CEP128: variants seen among roughly 807,000 people sequenced by gnomAD.
CEP128 encodes the protein centrosomal protein 128kDa.
CEP128 carries 132 observed loss-of-function variants against 156.7 expected under a neutral mutation model. The ratio of observed to expected loss-of-function variants is 0.84; its 90% confidence interval spans 0.73 to 0.97. CEP128 has a LOEUF of 0.97. Ranked by LOEUF, CEP128 falls within the 50% of genes least tolerant of loss-of-function variation. The pLI is 0.00. For missense variants in CEP128, 1,252 were observed against 1,281.9 expected (o/e 0.98, Z 0.36); for synonymous variants, 469 against 448.9 (o/e 1.04, Z -0.57).
At chr14:80,897,163 G>C (rs1390712749) in intron 7 of CEP128, among the ~76,000 whole-genome samples, 1 of 152,150 alleles carries the variant, frequency 6.6e-6, no homozygotes, top group Non-Finnish European at 1.5e-5. Flanking sequence ...CAAACTGCAA[G>C]AACCTGACAC....
chr14:80,874,188 G>C (rs1888165302), intron 8 of CEP128, among the ~76,000 whole-genome samples: 1 of 152,172 alleles, frequency 6.6e-6, no homozygotes, highest in Non-Finnish European at 1.5e-5. Context: ...CCTGGGTGCA[G>C]TGGGGTGGCT....
At chr14:80,766,976 A>G (rs992240500) in intron 16 of CEP128, among the ~76,000 whole-genome samples, 1 of 152,190 alleles carries the variant, frequency 6.6e-6, no homozygotes, top group Non-Finnish European at 1.5e-5. Context: ...GAATATTTTC[A>G]TAACTCAAGA....
intron 9 of CEP128, among the ~76,000 whole-genome samples, chr14:80,844,934 G>T (rs1351292695): frequency 6.6e-6 from 1 of 151,878 alleles, no homozygotes; most frequent in African/African-American, 2.4e-5. Context: ...ACTGTTTAGG[G>T]CATCCAGTGC....
chr14:80,587,533 C>T (rs994229029), intron 19 of CEP128, among the ~76,000 whole-genome samples: 2 of 152,102 alleles, frequency 1.3e-5, no homozygotes, highest in African/African-American at 4.8e-5. Context: ...GATTTAAAAC[C>T]ACTTGCCACA....
At chr14:80,606,362 G>A (rs1043383399) in intron 19 of CEP128, among the ~76,000 whole-genome samples, 1 of 152,058 alleles carries the variant, frequency 6.6e-6, no homozygotes, top group Non-Finnish European at 1.5e-5. Flanking sequence ...TCTGGAAAAT[G>A]CAAAAAATAT....
intron 19 of CEP128, among the ~76,000 whole-genome samples, chr14:80,645,839 G>C (rs1894608912): frequency 1.3e-5 from 2 of 152,136 alleles, no homozygotes; most frequent in Admixed American, 1.3e-4. Context: ...CAGTAGGTGA[G>C]TGGATAAATA....
At chr14:80,588,946 G>A (rs556420643) in intron 19 of CEP128, among the ~76,000 whole-genome samples, 53 of 152,212 alleles carry the variant, frequency 3.5e-4, no homozygotes, top group Non-Finnish European at 5.6e-4. Context: ...CTCACTTCAT[G>A]AAGTAGCCAT....
chr14:80,604,096 C>A (rs920117252), intron 19 of CEP128, among the ~76,000 whole-genome samples: 1 of 152,158 alleles, frequency 6.6e-6, no homozygotes, highest in African/African-American at 2.4e-5. Flanking sequence ...TCCTGAAATT[C>A]TCCCCCAAAT....
intron 21 of CEP128, among the ~76,000 whole-genome samples, chr14:80,539,715 G>A (rs1312684005): frequency 2.6e-5 from 4 of 152,002 alleles, no homozygotes; most frequent in African/African-American, 9.7e-5. Context: ...AGGCAAAACA[G>A]CCATATTTTT....
intron 14 of CEP128, among the ~76,000 whole-genome samples, chr14:80,790,659 C>G (rs1196425210): frequency 6.6e-6 from 1 of 151,640 alleles, no homozygotes; most frequent in African/African-American, 2.4e-5. Context: ...TGATATATAT[C>G]TGATAACCTT....
intron 19 of CEP128, among the ~76,000 whole-genome samples, chr14:80,652,049 A>G (rs1894928664): frequency 6.6e-6 from 1 of 151,976 alleles, no homozygotes; most frequent in South Asian, 2.1e-4. Flanking sequence ...TGGGAGCCTG[A>G]CCATCGGATC....
intron 19 of CEP128, among the ~76,000 whole-genome samples, chr14:80,655,918 C>T (rs1355823414): frequency 6.6e-6 from 1 of 151,782 alleles, no homozygotes; most frequent in Non-Finnish European, 1.5e-5. Context: ...TTTTGTTTTG[C>T]CTCATTTAGG....
At chr14:80,858,209 T>C (rs1364535151) in intron 9 of CEP128, among the ~76,000 whole-genome samples, 1 of 145,468 alleles carries the variant, frequency 6.9e-6, no homozygotes, top group African/African-American at 2.6e-5. Flanking sequence ...TATAGATCAA[T>C]GGAACAGAAC....
At position 80,522,032 on chromosome 14, in the gene CEP128, T is replaced by C. The variant is rs954510969; in HGVS notation, c.3072+4837A>G. On this transcript the variant is annotated intron_variant, in intron 23 of 24. Transcript: ENST00000555265. ...GGAGTAGTTATTATAAATGAGATAATTGGAGTATTGTAGAGTTAAAGCTCT... is the reference window on the plus strand; with the variant it reads ...GGAGTAGTTATTATAAATGAGATAACTGGAGTATTGTAGAGTTAAAGCTCT... Among the ~76,000 whole-genome samples, 12 of 152,350 alleles carry C rather than the reference T, an allele frequency of 7.9e-5. No individual in the cohort carries two copies. In the South Asian group the frequency reaches 1.2e-3, roughly 16 times the overall value.
downstream of CEP128, among the ~76,000 whole-genome samples, chr14:80,486,478 A>G (rs1594900219): frequency 6.6e-6 from 1 of 152,094 alleles, no homozygotes; most frequent in South Asian, 2.1e-4. Flanking sequence ...TCCCCAATCT[A>G]GCAAGGCAGG....
intron 14 of CEP128, among the ~76,000 whole-genome samples, chr14:80,484,701 C>G (rs1293604918): frequency 6.6e-6 from 1 of 152,206 alleles, no homozygotes; most frequent in Non-Finnish European, 1.5e-5. Context: ...GCTTTCAACA[C>G]TAGGGTTACA....
At chr14:80,515,264 T>C (rs940252199) in intron 23 of CEP128, among the ~76,000 whole-genome samples, 21 of 152,182 alleles carry the variant, frequency 1.4e-4, no homozygotes, top group African/African-American at 4.3e-4. Context: ...GCCATGCTTG[T>C]GGCCTTTCCT....
intron 17 of CEP128, among the ~76,000 whole-genome samples, chr14:80,757,636 G>A (rs1899734402): frequency 6.6e-6 from 1 of 152,090 alleles, no homozygotes; most frequent in Admixed American, 6.6e-5. Flanking sequence ...TTGTACTTTT[G>A]TTGAACTCTG....
chr14:80,498,077 T>G (rs554269792), intron 24 of CEP128, among the ~76,000 whole-genome samples: 1 of 152,306 alleles, frequency 6.6e-6, no homozygotes, highest in African/African-American at 2.4e-5. Flanking sequence ...CTTCTCTCCT[T>G]ATCTCTACTC....
Sources: allele counts gnomAD v4.1 joint callset (sites outside exome capture counted in the v4.1 genomes callset), GRCh38; gene constraint gnomAD v4.1.1; transcripts MANE v1.5; gene names NCBI Gene and HGNC (gene_info 2026-07-23, HGNC 2026-07-21).